AUTS2: variants seen among roughly 807,000 people sequenced by gnomAD.
The protein encoded by AUTS2 is activator of transcription and developmental regulator AUTS2.
Under a neutral mutation model 112.4 loss-of-function variants are expected in AUTS2, and 17 were observed. The ratio of observed to expected loss-of-function variants is 0.15; its 90% confidence interval spans 0.10 to 0.23. The LOEUF is 0.23. Ranked by LOEUF, AUTS2 falls within the 10% of genes least tolerant of loss-of-function variation. The pLI is 1.00. For synonymous variants in AUTS2, 751 were observed against 702.7 expected (o/e 1.07, Z -1.09); for missense variants, 1,510 against 1,701.6 (o/e 0.89, Z 1.98).
At chr7:70,093,292 A>G (rs1804017885) in intron 2 of AUTS2, among the ~76,000 whole-genome samples, 1 of 152,192 alleles carries the variant, frequency 6.6e-6, no homozygotes, top group Non-Finnish European at 1.5e-5. Flanking sequence ...CTTCAGCTGC[A>G]AATCTCTTCA....
chr7:70,280,332 G>A (rs1400531157), intron 4 of AUTS2, among the ~76,000 whole-genome samples: 2 of 144,996 alleles, frequency 1.4e-5, no homozygotes, highest in Non-Finnish European at 3.0e-5. Flanking sequence ...TCCCCAGGCT[G>A]GAGTGCAGTG....
chr7:70,752,452 C>T (rs1325415250), intron 6 of AUTS2, among the ~76,000 whole-genome samples: 5 of 152,088 alleles, frequency 3.3e-5, no homozygotes, highest in African/African-American at 1.2e-4. Context: ...GCAGTGGGAA[C>T]GTGTTATAGA....
At chr7:69,861,752 G>A (rs1323282662) in intron 1 of AUTS2, among the ~76,000 whole-genome samples, 1 of 152,134 alleles carries the variant, frequency 6.6e-6, no homozygotes, top group Non-Finnish European at 1.5e-5. Context: ...GCTTTCCTTG[G>A]AATCTCCTAG....
intron 1 of AUTS2, among the ~76,000 whole-genome samples, chr7:69,777,067 G>A (rs1788929590): frequency 6.6e-6 from 1 of 152,142 alleles, no homozygotes; most frequent in Non-Finnish European, 1.5e-5. Context: ...TCCTTCTGTG[G>A]TTAGAAAAAC....
At chr7:70,218,322 A>G (rs112255910) in intron 4 of AUTS2, among the ~76,000 whole-genome samples, 2,277 of 152,298 alleles carry the variant, frequency 0.015, 33 homozygotes, top group Middle Eastern at 0.041. Context: ...AACAGAGGAA[A>G]AGGAGAATGA....
chr7:70,489,058 T>C (rs572189399), intron 5 of AUTS2, among the ~76,000 whole-genome samples: 2 of 152,348 alleles, frequency 1.3e-5, no homozygotes, highest in African/African-American at 2.4e-5. Context: ...ATGTGAGTGA[T>C]TGATCCCACC....
In AUTS2 at chr7:70,214,166, A is replaced by G. The variant is rs186026750; in HGVS notation, c.660+79595A>G. Among the ~76,000 whole-genome samples, 857 of 152,020 alleles carry G rather than the reference A, an allele frequency of 5.6e-3. 2 individuals are homozygous for G. The highest frequency in any genetic ancestry group is 0.01 in the Admixed American group (154 of 15,260). On this transcript the variant is annotated intron_variant, in intron 4 of 18. Coordinates refer to ENST00000342771, the MANE Select transcript of AUTS2 (RefSeq NM_015570.4). The stretch of plus-strand genomic sequence containing the variant: ...TAAAACAGAAGGCAATTTGTTTCAA[A>G]CTCTGTGCTCCAAACTGGTGGCTTA...
chr7:69,981,196 CCACTGTGGTACACGGGTGTCTTATA>C (rs1798280676), intron 2 of AUTS2, among the ~76,000 whole-genome samples: 1 of 152,170 alleles, frequency 6.6e-6, no homozygotes, highest in Non-Finnish European at 1.5e-5. Flanking sequence ...TGGGTATGGT[CCACTGTGGTACACGGGTGTCTTATA>C]GAGATGAGTA....
chr7:69,601,421 G>C (rs1026785366), intron 1 of AUTS2, among the ~76,000 whole-genome samples: 1 of 152,128 alleles, frequency 6.6e-6, no homozygotes, highest in Non-Finnish European at 1.5e-5. Context: ...ATGTGTTTGG[G>C]TGTCAGCTTT....
Position 70,164,539 on chromosome 7 carries a change from T to C in AUTS2, c.660+29968T>C, listed in dbSNP as rs1808280547. 3.3e-5 allele frequency among the ~76,000 whole-genome samples: 5 copies of C among 152,214 alleles called. No homozygotes were observed. In the South Asian group the frequency reaches 8.3e-4, roughly 25 times the overall value. On this transcript the variant is annotated intron_variant, in intron 4 of 18. Coordinates refer to ENST00000342771, the MANE Select transcript of AUTS2 (RefSeq NM_015570.4). ...TCTTCGATTGGTTGGATTAAAAAAT[T>C]TTTTTGATGTTTTTCTCATGATTAG...
chr7:70,715,532 C>G (rs1810316450), intron 6 of AUTS2, among the ~76,000 whole-genome samples: 1 of 147,692 alleles, frequency 6.8e-6, no homozygotes, highest in Admixed American at 6.7e-5. Flanking sequence ...CTTTTCTTTT[C>G]TTTTCTTTTC....
intron 2 of AUTS2, among the ~76,000 whole-genome samples, chr7:69,969,221 T>C (rs1797749910): frequency 6.6e-6 from 1 of 152,050 alleles, no homozygotes; most frequent in Non-Finnish European, 1.5e-5. Context: ...GTAAATAAAC[T>C]AATGTGAAAA....
At chr7:70,669,364 A>G (rs985124263) in intron 5 of AUTS2, among the ~76,000 whole-genome samples, 4 of 152,230 alleles carry the variant, frequency 2.6e-5, no homozygotes, top group Admixed American at 6.5e-5. Flanking sequence ...TATTCAGATT[A>G]TAGACTTCTA....
intron 5 of AUTS2, among the ~76,000 whole-genome samples, chr7:70,479,003 A>C (rs1797688362): frequency 6.6e-6 from 1 of 152,200 alleles, no homozygotes; most frequent in African/African-American, 2.4e-5. Context: ...TTAAGATGAA[A>C]ATGAAGAGAA....
chr7:70,112,007 A>T (rs1254503430), intron 2 of AUTS2, among the ~76,000 whole-genome samples: 1 of 151,710 alleles, frequency 6.6e-6, no homozygotes. Context: ...TCTTCCTCTG[A>T]TTTTACCTAT....
intron 3 of AUTS2, 101 bp downstream of exon 3, chr7:70,118,334 T>G: frequency 1.5e-6 from 2 of 1,320,758 alleles, no homozygotes; most frequent in Non-Finnish European, 2.0e-6. Flanking sequence ...CTTTCCCTCA[T>G]CTTTAGAACT....
intron 4 of AUTS2, among the ~76,000 whole-genome samples, chr7:70,164,518 C>T (rs1163440426): frequency 2.0e-5 from 3 of 152,082 alleles, no homozygotes; most frequent in African/African-American, 4.8e-5. Context: ...GAATGTTCTT[C>T]GATTGGTTGG....
chr7:70,459,522 CTT>C (rs1334885557), intron 5 of AUTS2, among the ~76,000 whole-genome samples: 3 of 152,178 alleles, frequency 2.0e-5, no homozygotes, highest in Admixed American at 6.5e-5. Context: ...AGCCCCAGCT[CTT>C]TTAAAACTCC....
chr7:70,765,826 G>T (rs1789902020), intron 8 of AUTS2, among the ~76,000 whole-genome samples: 1 of 152,186 alleles, frequency 6.6e-6, no homozygotes, highest in African/African-American at 2.4e-5. Context: ...CTCAGCCAGT[G>T]GTGACAGCTG....
Sources: gnomAD v4.1 joint callset for allele counts (sites outside exome capture counted in the v4.1 genomes callset) on GRCh38, gnomAD v4.1.1 for gene constraint, MANE v1.5 for transcripts, NCBI Gene and HGNC (gene_info 2026-07-23, HGNC 2026-07-21) for gene names.